Variants in CCM2 observed in about 807,000 individuals in gnomAD.
CCM2 encodes the protein CCM2 scaffold protein.
In CCM2, 25 loss-of-function variants were observed where a neutral mutation model predicts 44.9. The observed-to-expected ratio is 0.56, with a 90% CI of 0.41 to 0.78. CCM2 has a LOEUF of 0.78. Ranked by LOEUF, CCM2 falls within the 30% of genes least tolerant of loss-of-function variation. The pLI is 0.00. For missense variants in CCM2, 481 were observed against 580.6 expected, an observed-to-expected ratio of 0.83 and a Z score of 1.76; for synonymous variants, 219 against 241.1, an observed-to-expected ratio of 0.91 and a Z score of 0.85.
intron 2 of CCM2, among the ~76,000 whole-genome samples, chr7:45,059,340 T>G (rs979281380): frequency 1.3e-5 from 2 of 151,310 alleles, no homozygotes; most frequent in African/African-American, 4.9e-5. Context: ...CCCAGCACTT[T>G]GGGAGGCCAA....
chr7:45,061,988 C>T (rs1222852047), intron 2 of CCM2, among the ~76,000 whole-genome samples: 1 of 152,200 alleles, frequency 6.6e-6, no homozygotes, highest in Admixed American at 6.5e-5. Flanking sequence ...GTTCCCCTTT[C>T]CTCTCTGCTG....
At position 45,074,412 on chromosome 7, in the gene CCM2, AGT is replaced by A; in HGVS notation, c.1054+6_1054+7del. On this transcript the variant is annotated splice_donor_5th_base_variant and intron_variant, in intron 9 of 9. Coordinates refer to ENST00000258781, the MANE Select transcript of CCM2 (RefSeq NM_031443.4). The stretch of plus-strand genomic sequence containing the variant: ...AGCCGCAAGTTCCTGCTGCTTGGTG[AGT>A]GGGCCCTGGAAAGAGGGTGGCTTGT... The A allele has an allele frequency of 6.2e-7, 1 of 1,612,196 alleles. No individual in the cohort carries two copies. Among genetic ancestry groups the A allele is most frequent in the Non-Finnish European group, 8.5e-7 (1 of 1,179,192 alleles).
Position 45,064,501 on chromosome 7 carries a change from C to T in CCM2, c.327C>T (p.His109=), listed in dbSNP as rs201879802. ...TTCCGGGACACTTGACTCAGGAGCA[C>T]GATGCTGTGCTCAGCCTGTCTGCGT... ...HQLPGHLTQE[H]DAVLSLSAYN... is the part of the protein sequence containing the mutation. The change falls in exon 4 of 10, where the codon CAC becomes CAT. Residue 109 remains histidine, a synonymous_variant. Coordinates refer to ENST00000258781, the MANE Select transcript of CCM2 (RefSeq NM_031443.4). The T allele has an allele frequency of 2.7e-5, 44 of 1,613,598 alleles. 2 individuals carry two copies. The South Asian group carries it at 3.5e-4, about 13-fold the overall frequency.
At chr7:45,064,944 A>G (rs1798701433) in intron 4 of CCM2, among the ~76,000 whole-genome samples, 1 of 152,140 alleles carries the variant, frequency 6.6e-6, no homozygotes, top group African/African-American at 2.4e-5. Flanking sequence ...CTCTGGGTAC[A>G]GTGGAGTTGC....
At chr7:45,010,728 G>A (rs143605439) in intron 1 of CCM2, among the ~76,000 whole-genome samples, 18 of 152,170 alleles carry the variant, frequency 1.2e-4, no homozygotes, top group Non-Finnish European at 2.5e-4. Context: ...CTCCTGAGTA[G>A]GTGGGATTAT....
chr7:45,020,700 C>T (rs1583861758), intron 1 of CCM2, among the ~76,000 whole-genome samples: 2 of 152,190 alleles, frequency 1.3e-5, no homozygotes, highest in East Asian at 3.9e-4. Context: ...CTCAAGAGAA[C>T]AGTTTTTATT....
chr7:45,074,369 CG>C lies in CCM2; in HGVS notation c.1017del (p.Gln340SerfsTer14), dbSNP rs1562919736. ...ASIHEFCINL[R>X]QLYGDSRKFL... ...TATCCACGAGTTCTGCATCAACCTG[CG>C]GCAGCTCTACGGGGACAGCCGCAAG... On this transcript the variant is annotated frameshift_variant, in exon 9 of 10. Coordinates refer to ENST00000258781, the MANE Select transcript of CCM2 (RefSeq NM_031443.4). LOFTEE classifies it high-confidence loss of function. The C allele has an allele frequency of 6.2e-7, 1 of 1,613,568 alleles. No individual in the cohort carries two copies. Among genetic ancestry groups the C allele is most frequent in the Non-Finnish European group, 8.5e-7 (1 of 1,180,024 alleles).
chr7:45,030,717 A>T (rs745386195), intron 1 of CCM2, among the ~76,000 whole-genome samples: 3 of 151,316 alleles, frequency 2.0e-5, no homozygotes, highest in Non-Finnish European at 2.9e-5. Flanking sequence ...GCCTGCCCTC[A>T]ATTTATTTTA....
At chr7:45,073,017 C>A in intron 7 of CCM2, 1 of 637,746 alleles carries the variant, frequency 1.6e-6, no homozygotes. Flanking sequence ...CTTCCCATGG[C>A]CTCCCAAGAG....
chr7:45,006,302 C>T (rs1288157886), intron 1 of CCM2, among the ~76,000 whole-genome samples: 1 of 151,526 alleles, frequency 6.6e-6, no homozygotes, highest in African/African-American at 2.4e-5. Flanking sequence ...CTTCCAGGAC[C>T]TCAGGATGTG....
At chr7:45,016,339 T>G (rs1012392515) in intron 1 of CCM2, among the ~76,000 whole-genome samples, 8 of 152,200 alleles carry the variant, frequency 5.3e-5, no homozygotes, top group Non-Finnish European at 8.8e-5. Flanking sequence ...TTATTTTATT[T>G]ATTTTTTTTG....
chr7:45,049,038 T>C (rs7809425), intron 2 of CCM2, among the ~76,000 whole-genome samples: 80,153 of 152,048 alleles, frequency 0.53, 22,604 homozygotes, highest in African/African-American at 0.74. Context: ...TCACTGCAGC[T>C]TCAACTTCCC....
chr7:45,069,502 T>C (rs1583982725), intron 5 of CCM2, among the ~76,000 whole-genome samples: 1 of 152,236 alleles, frequency 6.6e-6, no homozygotes, highest in East Asian at 1.9e-4. Flanking sequence ...TGGGCTGGGA[T>C]AGGGTTGTGA....
intron 2 of CCM2, among the ~76,000 whole-genome samples, chr7:45,053,742 C>T (rs925168693): frequency 4.6e-5 from 7 of 152,182 alleles, no homozygotes; most frequent in African/African-American, 1.4e-4. Flanking sequence ...CCAGTGATGC[C>T]TGTAGACCTT....
intron 1 of CCM2, chr7:45,029,608 T>A (rs1454497429): frequency 6.6e-6 from 1 of 152,254 alleles, no homozygotes; most frequent in Non-Finnish European, 1.5e-5. Flanking sequence ...TCCTTGTAAA[T>A]TAATAAACAG....
Position 45,052,413 on chromosome 7 carries a change from T to C in CCM2, c.205-11505T>C, listed in dbSNP as rs545371087. Among the ~76,000 whole-genome samples the C allele has an allele frequency of 3.3e-5, 5 of 152,272 alleles. No homozygotes were observed. In the East Asian group the frequency reaches 9.6e-4, roughly 29 times the overall value. ...CTTGGGGTTTTCTTTCTGTCAGCTG[T>C]GTATTGGGAACCCTTTCTGAGGCTG... On this transcript the variant is annotated intron_variant, in intron 2 of 9. Transcript: ENST00000258781.
chr7:45,027,621 G>T, intron 1 of CCM2: 1 of 1,612,292 alleles, frequency 6.2e-7, no homozygotes, highest in Non-Finnish European at 8.5e-7. Context: ...TGTGGTTTCT[G>T]GTCTTCCTGT....
Position 45,075,801 on chromosome 7 carries a change from A to T in CCM2, c.1079A>T (p.Lys360Met). The change falls in exon 10 of 10, where the codon AAG (lysine) becomes ATG (methionine). Residue 360 changes from lysine (K) to methionine (M), a missense_variant. Coordinates refer to ENST00000258781, the MANE Select transcript of CCM2 (RefSeq NM_031443.4). The part of the protein sequence containing the change: ...LLGLRPFIPE[K>M]DSQHFENFLE... The stretch of plus-strand genomic sequence containing the variant: ...GGTCTGAGGCCCTTCATCCCTGAGA[A>T]GGACAGCCAGCACTTCGAGAACTTC... 1 of 1,613,722 alleles carries T rather than the reference A, an allele frequency of 6.2e-7. No individual in the cohort carries two copies. Among genetic ancestry groups the T allele is most frequent in the Non-Finnish European group, 8.5e-7 (1 of 1,180,012 alleles).
intron 1 of CCM2, among the ~76,000 whole-genome samples, chr7:45,003,742 A>C (rs1004626646): frequency 2.0e-5 from 3 of 151,982 alleles, no homozygotes; most frequent in African/African-American, 7.2e-5. Flanking sequence ...AAAAAAAAAA[A>C]ACCATCTTGT....
Sources: gnomAD v4.1 joint callset for allele counts (sites outside exome capture counted in the v4.1 genomes callset) on GRCh38, gnomAD v4.1.1 for gene constraint, MANE v1.5 for transcripts, NCBI Gene and HGNC (gene_info 2026-07-23, HGNC 2026-07-21) for gene names.